Variants in CTNND1 observed in about 807,000 individuals in gnomAD.
CTNND1 encodes the protein catenin delta 1.
Under a neutral mutation model 112.1 loss-of-function variants are expected in CTNND1, and 16 were observed. The observed-to-expected ratio is 0.14, with a 90% CI of 0.10 to 0.22. CTNND1 has a LOEUF of 0.22. CTNND1 is among the 10% of genes least tolerant of loss of function. The pLI is 1.00. For missense variants in CTNND1, 1,008 were observed against 1,257.0 expected, an observed-to-expected ratio of 0.80 and a Z score of 3.00; for synonymous variants, 420 against 446.5, an observed-to-expected ratio of 0.94 and a Z score of 0.75.
intron 3 of CTNND1, 112 bp from the exon 4 acceptor site, chr11:57,793,898 C>A: frequency 2.0e-6 from 2 of 979,290 alleles, no homozygotes; most frequent in Non-Finnish European, 3.2e-6. Context: ...GGACTCCAGG[C>A]CACACATATC....
At chr11:57,791,065 A>G (rs1460782156) in intron 2 of CTNND1, among the ~76,000 whole-genome samples, 1 of 152,190 alleles carries the variant, frequency 6.6e-6, no homozygotes, top group Non-Finnish European at 1.5e-5. Context: ...TGATACCAGC[A>G]GATTTTTTTC....
chr11:57,797,490 A>G (rs2061471044), intron 6 of CTNND1, among the ~76,000 whole-genome samples: 1 of 145,318 alleles, frequency 6.9e-6, no homozygotes, highest in South Asian at 2.2e-4. Context: ...CTTGGCCTCC[A>G]AAAGTGCTGG....
chr11:57,796,006 A>G (rs566040387), intron 5 of CTNND1, among the ~76,000 whole-genome samples: 1 of 152,270 alleles, frequency 6.6e-6, no homozygotes, highest in African/African-American at 2.4e-5. Flanking sequence ...TAGGATGGAA[A>G]GAAAGATAGA....
intron 9 of CTNND1, 58 bp downstream of exon 9, chr11:57,804,838 T>TA (rs2062447847): frequency 8.0e-7 from 1 of 1,249,782 alleles, no homozygotes; most frequent in Non-Finnish European, 1.2e-6. Flanking sequence ...AACTATGAAG[T>TA]ATCTGTAGGT....
At chr11:57,773,466 T>C (rs971347122) in intron 1 of CTNND1, among the ~76,000 whole-genome samples, 1 of 151,488 alleles carries the variant, frequency 6.6e-6, no homozygotes, top group Non-Finnish European at 1.5e-5. Context: ...TTTTTTTTTT[T>C]TGAGACGGAG....
At chr11:57,780,115 A>G (rs1209140450) in intron 1 of CTNND1, among the ~76,000 whole-genome samples, 1 of 145,594 alleles carries the variant, frequency 6.9e-6, no homozygotes, top group Non-Finnish European at 1.5e-5. Flanking sequence ...GTACAGTGGC[A>G]CAATCTTGGC....
At chr11:57,815,582 G>A (rs935245519) in intron 19 of CTNND1, 82 bp downstream of exon 19, 5 of 1,181,180 alleles carry the variant, frequency 4.2e-6, no homozygotes, top group South Asian at 2.4e-5. Context: ...ACAAAAAAAA[G>A]TACAGAGAAA....
At chr11:57,806,755 T>G in intron 11 of CTNND1, 160 bp from the exon 12 acceptor site, 1 of 654,580 alleles carries the variant, frequency 1.5e-6, no homozygotes, top group Admixed American at 2.8e-5. Context: ...TGTTTCTGAA[T>G]AGTCCCCTGC....
chr11:57,807,081 T>C, intron 12 of CTNND1, 98 bp downstream of exon 12: 1 of 925,552 alleles, frequency 1.1e-6, no homozygotes, highest in Non-Finnish European at 1.7e-6. Context: ...ACGTTTATTG[T>C]CCTCTCTTTT....
chr11:57,800,134 T>C (rs765659621), intron 6 of CTNND1, among the ~76,000 whole-genome samples: 1 of 152,028 alleles, frequency 6.6e-6, no homozygotes, highest in African/African-American at 2.4e-5. Flanking sequence ...AATTTTATAG[T>C]AAGCAGAAAA....
chr11:57,802,122 A>C lies in CTNND1; in HGVS notation c.1346A>C (p.Asn449Thr). ...CAGGATAACAAGATTGCCATAAAAA[A>C]CTGTGATGGTGTGCCTGCCCTTGTG... Reference protein sequence around the residue: ...RDQDNKIAIKNCDGVPALVRL... With the variant: ...RDQDNKIAIKTCDGVPALVRL... Residue 449 changes from asparagine (N) to threonine (T), a missense_variant, in exon 7 of 21, where the codon AAC becomes ACC. Asn to Thr is a moderately conservative substitution (Grantham distance 65). Around this residue, in one of 5 missense-constraint regions of CTNND1, gnomAD observed 216 missense variants for 342.8 expected, o/e 0.63. Transcript: ENST00000399050. 6.2e-7 allele frequency: 1 copy of C among 1,613,950 alleles called. No homozygotes were observed. Among genetic ancestry groups the C allele is most frequent in the Non-Finnish European group, 8.5e-7 (1 of 1,179,870 alleles).
intron 17 of CTNND1, among the ~76,000 whole-genome samples, chr11:57,813,488 G>A (rs780015043): frequency 6.6e-6 from 1 of 152,166 alleles, no homozygotes; most frequent in Non-Finnish European, 1.5e-5. Context: ...TGTCAAAATC[G>A]TACATAGGTA....
At position 57,803,603 on chromosome 11, in the gene CTNND1, A is replaced by G; in HGVS notation, c.1421-18A>G. The G allele has an allele frequency of 6.3e-7, 1 of 1,597,028 alleles. No homozygotes were observed. On this transcript the variant is annotated intron_variant, in intron 7 of 20. Coordinates refer to ENST00000399050, the MANE Select transcript of CTNND1 (RefSeq NM_001085458.2). ...GTCTTGAATGCTCAAGAGCCATCTGATGAATTGTCTCTTCCAGGAACCCTG... is the reference window on the plus strand; with the variant it reads ...GTCTTGAATGCTCAAGAGCCATCTGGTGAATTGTCTCTTCCAGGAACCCTG...
chr11:57,816,057 C>A, intron 20 of CTNND1, 56 bp downstream of exon 20: 2 of 1,426,786 alleles, frequency 1.4e-6, no homozygotes, highest in African/African-American at 1.4e-5. Context: ...TCCTGAGTGC[C>A]AGCAACTTGT....
In CTNND1 at chr11:57,815,537, T is replaced by C. The variant is rs11570224; in HGVS notation, c.2808+37T>C. On this transcript the variant is annotated intron_variant, in intron 19 of 20. Transcript: ENST00000399050. ...TTATATACTGCTATCTGTCTAAGGC[T>C]AGTTCTATTTTGAAGCCTATGTGTT... 820 of 1,483,284 alleles carry C rather than the reference T, an allele frequency of 5.5e-4. 9 individuals carry two copies. The African/African-American group carries it at 0.011, about 19-fold the overall frequency. The allele number at this position is 1,483,284 out of a possible 1,614,324, so 91.9% of individuals were successfully genotyped here.
chr11:57,798,795 T>C (rs557763069), intron 6 of CTNND1, among the ~76,000 whole-genome samples: 21 of 152,330 alleles, frequency 1.4e-4, no homozygotes, highest in Admixed American at 3.9e-4. Context: ...AGGCCATGTA[T>C]CATCTTTGTC....
At chr11:57,785,674 T>C (rs1408485395) in intron 1 of CTNND1, among the ~76,000 whole-genome samples, 3 of 151,944 alleles carry the variant, frequency 2.0e-5, no homozygotes, top group Non-Finnish European at 2.9e-5. Context: ...CTCAGCCTCC[T>C]GAGTAGCTGG....
At chr11:57,762,175 A>C in intron 1 of CTNND1, 56 bp downstream of exon 1, 1 of 813,150 alleles carries the variant, frequency 1.2e-6, no homozygotes, top group Non-Finnish European at 1.5e-6. Context: ...AGTAACTTTT[A>C]AGCAATTATT....
At chr11:57,812,481 C>T (rs1321380306) in intron 17 of CTNND1, among the ~76,000 whole-genome samples, 1 of 152,056 alleles carries the variant, frequency 6.6e-6, no homozygotes, top group Non-Finnish European at 1.5e-5. Flanking sequence ...GATTGCACCA[C>T]TGCATTCCAG....
Sources: allele counts gnomAD v4.1 joint callset (sites outside exome capture counted in the v4.1 genomes callset), GRCh38; gene constraint gnomAD v4.1.1; regional missense constraint gnomAD v4.1.1; transcripts MANE v1.5; gene names NCBI Gene and HGNC (gene_info 2026-07-23, HGNC 2026-07-21).